The following IGSF9B variants were observed in gnomAD, a reference collection of about 807,000 sequenced individuals.
IGSF9B encodes protein turtle homolog B.
IGSF9B carries 48 observed loss-of-function variants against 143.7 expected under a neutral mutation model. That is an observed-to-expected ratio of 0.33 (90% CI 0.26 to 0.42). The LOEUF (loss-of-function observed/expected upper bound fraction) is 0.42. IGSF9B is among the 20% of genes least tolerant of loss of function. IGSF9B has a pLI of 1.00. For synonymous variants in IGSF9B, 903 were observed against 833.1 expected (o/e 1.08, Z -1.44); for missense variants, 1,706 against 1,980.0 (o/e 0.86, Z 2.63).
chr11:133,949,918 C>T (rs940999305), intron 1 of IGSF9B, among the ~76,000 whole-genome samples: 2 of 152,200 alleles, frequency 1.3e-5, no homozygotes, highest in Non-Finnish European at 2.9e-5. Flanking sequence ...CCAGAAATAG[C>T]GGTGCCCAGA....
Position 133,909,043 on chromosome 11 carries a change from C to T in IGSF9B, c.*26G>A. On this transcript the variant is annotated 3_prime_UTR_variant, in exon 20 of 20. Coordinates refer to ENST00000533871, the MANE Select transcript of IGSF9B (RefSeq NM_001277285.4). This position sits in a 1 kb window ranked among gnomAD's most constrained non-coding sequence, Gnocchi z 4.2. Reference sequence around the variant, plus strand: ...CCTGCCTGAGCCCAGCAACCTCGCCCCGGGGACACCTAGAGTGGGGTGGAG... The same window carrying T: ...CCTGCCTGAGCCCAGCAACCTCGCCTCGGGGACACCTAGAGTGGGGTGGAG... 1 of 1,528,942 alleles carries T rather than the reference C, an allele frequency of 6.5e-7. No homozygotes were observed. The highest frequency in any genetic ancestry group is 1.4e-5 in the African/African-American group (1 of 73,030). 94.7% of individuals were successfully genotyped at this position (1,528,942 alleles called of 1,614,324 possible). A position where few individuals can be genotyped will look rare whatever the true frequency, so the allele number is the denominator to read the frequency against.
Position 133,902,991 on chromosome 11 carries a change from T to C in IGSF9B, c.*6078A>G, listed in dbSNP as rs1022879721. Among the ~76,000 whole-genome samples the C allele has an allele frequency of 6.6e-6, 1 of 151,832 alleles. No homozygotes were observed. Among genetic ancestry groups the C allele is most frequent in the Admixed American group, 6.6e-5 (1 of 15,248 alleles). On this transcript the variant is annotated 3_prime_UTR_variant, in exon 20 of 20. Transcript: ENST00000533871. ...CCCGCAGCATTTCTAAGGCCGAAAA[T>C]GCAAGTCACCTCCCCAGCCCAACCC...
Position 133,919,841 on chromosome 11 carries a change from C to A in IGSF9B, c.3884G>T (p.Gly1295Val). The change falls in exon 18 of 20, where the codon GGG becomes GTG. Residue 1295 changes from glycine (G) to valine (V), a missense_variant. Coordinates refer to ENST00000533871, the MANE Select transcript of IGSF9B (RefSeq NM_001277285.4). ...CTGTCCAAACACGTCCAAGCTGTCC[C>A]CAGGCCCAGCAGGGGCGGGGCCGGG... ...PPPGPAPAGP[G>V]DSLDVFGQTP... The A allele has an allele frequency of 6.3e-7, 1 of 1,581,216 alleles. No individual in the cohort carries two copies. Among genetic ancestry groups the A allele is most frequent in the South Asian group, 1.1e-5 (1 of 87,028 alleles).
chr11:133,954,116 C>A (rs1940210267), intron 1 of IGSF9B, among the ~76,000 whole-genome samples: 1 of 152,200 alleles, frequency 6.6e-6, no homozygotes, highest in Non-Finnish European at 1.5e-5. Context: ...CTCTGCCAGT[C>A]AGGGAACAGC....
rs1030059956 is a variant in IGSF9B at position 133,945,139 on chromosome 11, G to A, written c.263-773C>T. Among the ~76,000 whole-genome samples, 16 of 152,112 alleles carry A rather than the reference G, an allele frequency of 1.1e-4. No homozygotes were observed. Among genetic ancestry groups the A allele is most frequent in the Non-Finnish European group, 1.6e-4 (11 of 68,008 alleles). The stretch of plus-strand genomic sequence containing the variant: ...GAGGTGCAGAAGCCTCTTCCATGAC[G>A]CCAGCAGGGTGGAGCAGCCCTCGAG... On this transcript the variant is annotated intron_variant, in intron 2 of 19. Coordinates refer to ENST00000533871, the MANE Select transcript of IGSF9B (RefSeq NM_001277285.4). This position sits in a 1 kb window ranked among gnomAD's most constrained non-coding sequence, Gnocchi z 4.6.
chr11:133,952,077 A>C (rs1351961328), intron 1 of IGSF9B: 1 of 455,496 alleles, frequency 2.2e-6, no homozygotes, highest in African/African-American at 2.0e-5. Context: ...AGGCCGGCTG[A>C]GACTCCTCCC....
Position 133,898,436 on chromosome 11 carries a change from CA to C in IGSF9B, c.*10632del, listed in dbSNP as rs1265959474. On this transcript the variant is annotated 3_prime_UTR_variant, in exon 20 of 20. Coordinates refer to ENST00000533871, the MANE Select transcript of IGSF9B (RefSeq NM_001277285.4). ...AAGAAGCTCATCTAAAACTTGCCCC[CA>C]GGTGTGCGATGGGAGAATTCTATCC... 1.9e-5 allele frequency: 3 copies of C among 154,052 alleles called. No homozygotes were observed. The highest frequency in any genetic ancestry group is 7.2e-5 in the African/African-American group (3 of 41,504). 9.5% of individuals were successfully genotyped at this position (154,052 alleles called of 1,614,324 possible). A position where few individuals can be genotyped will look rare whatever the true frequency, so the allele number is the denominator to read the frequency against.
rs1939489229 is a variant in IGSF9B, at chr11:133,920,088, T to C, written c.3637A>G (p.Thr1213Ala). Residue 1213 changes from threonine (T) to alanine (A), a missense_variant, in exon 18 of 20, where the codon ACC becomes GCC. This residue lies in a region of IGSF9B where 880 missense variants were observed against 762.9 expected (regional missense o/e 1.15). Transcript: ENST00000533871. Reference sequence around the variant, plus strand: ...CGGGCGGCGAGCTCAGGGGAGCCGGTGCGGGAGCTGAGGGGGCTTTGGGTC... The same window carrying C: ...CGGGCGGCGAGCTCAGGGGAGCCGGCGCGGGAGCTGAGGGGGCTTTGGGTC... The part of the protein sequence containing the change: ...PLTQSPLSSR[T>A]GSPELAARAR... 2 of 1,523,250 alleles carry C rather than the reference T, an allele frequency of 1.3e-6. No homozygotes were observed. Among genetic ancestry groups the C allele is most frequent in the Non-Finnish European group, 1.8e-6 (2 of 1,136,262 alleles). 94.4% of individuals were successfully genotyped at this position (1,523,250 alleles called of 1,614,324 possible).
Position 133,925,846 on chromosome 11 carries a change from G to A in IGSF9B, c.1927C>T (p.Pro643Ser). ...AACTCCATGATGTAGCGGTCGATGG[G>A]AAAGCTGTGGTTGGCAGGCGGAAGC... ...SWLPPANHSF[P>S]IDRYIMEFRV... is the part of the protein sequence containing the mutation. The change falls in exon 14 of 20, where the codon CCC becomes TCC. Residue 643 changes from proline to serine, a missense_variant. This residue lies in a region of IGSF9B where 267 missense variants were observed against 321.1 expected (regional missense o/e 0.83). Transcript: ENST00000533871. 6.2e-6 allele frequency: 10 copies of A among 1,613,840 alleles called. No individual in the cohort carries two copies. Among genetic ancestry groups the A allele is most frequent in the African/African-American group, 1.3e-5 (1 of 75,066 alleles).
At position 133,916,675 on chromosome 11, in the gene IGSF9B, A is replaced by C. The variant is rs899867529; in HGVS notation, c.3983+3067T>G. Among the ~76,000 whole-genome samples the C allele has an allele frequency of 1.3e-5, 2 of 152,224 alleles. 1 individual carries two copies. The highest frequency in any genetic ancestry group is 1.3e-4 in the Admixed American group (2 of 15,290). On this transcript the variant is annotated intron_variant, in intron 18 of 19. Coordinates refer to ENST00000533871, the MANE Select transcript of IGSF9B (RefSeq NM_001277285.4). ...AGCGGGCTTCTCTTGGATCTGGCAC[A>C]GTGGGGACACTGGGAAAGGAGAGGG... is the stretch of plus-strand genomic sequence containing the variant.
At chr11:133,933,356 T>C (rs1939768382) in intron 7 of IGSF9B, among the ~76,000 whole-genome samples, 2 of 152,216 alleles carry the variant, frequency 1.3e-5, no homozygotes, top group Admixed American at 6.5e-5. Flanking sequence ...AAGAACACTA[T>C]CATAGGCTTA....
Position 133,956,731 on chromosome 11 carries a change from GA to G in IGSF9B, c.23del (p.Phe8SerfsTer2). Reference protein sequence around the residue: MIWYVATFIASVIGTRGL... With the variant: MIWYVATXIASVIGTRGL... ...CTCGGGTGCCGATCACACTTGCTAT[GA>G]AAGTGGCCACATACCAAATCATAGT... On this transcript the variant is annotated frameshift_variant, in exon 1 of 20. Transcript: ENST00000533871. LOFTEE classifies it high-confidence loss of function. The G allele has an allele frequency of 6.5e-7, 1 of 1,544,292 alleles. No individual in the cohort carries two copies. The highest frequency in any genetic ancestry group is 1.2e-5 in the South Asian group (1 of 83,034).
At position 133,955,141 on chromosome 11, in the gene IGSF9B, G is replaced by A. The variant is rs1193024745; in HGVS notation, c.64+1550C>T. Among the ~76,000 whole-genome samples the A allele has an allele frequency of 2.0e-5, 3 of 152,268 alleles. No homozygotes were observed. The South Asian group carries it at 6.2e-4, about 32-fold the overall frequency. The stretch of plus-strand genomic sequence containing the variant: ...CAGGAACATACCAAAAACGGGAGGG[G>A]AGGAGGATGCGGGCATTGGAAGACG... On this transcript the variant is annotated intron_variant, in intron 1 of 19. Coordinates refer to ENST00000533871, the MANE Select transcript of IGSF9B (RefSeq NM_001277285.4).
In IGSF9B at chr11:133,908,823, C is replaced by G. The variant is rs895036813; in HGVS notation, c.*246G>C. The G allele has an allele frequency of 4.2e-6, 2 of 471,828 alleles. No individual in the cohort carries two copies. Among genetic ancestry groups the G allele is most frequent in the Non-Finnish European group, 7.6e-6 (2 of 264,626 alleles). 29.2% of individuals were successfully genotyped at this position (471,828 alleles called of 1,614,324 possible). A position where few individuals can be genotyped will look rare whatever the true frequency, so the allele number is the denominator to read the frequency against. ...GAAGCAGGGGGCGGAGGGGAGGAGA[C>G]AGGTGTTGCCCAGTCTCCAATCCAC... On this transcript the variant is annotated 3_prime_UTR_variant, in exon 20 of 20. Transcript: ENST00000533871.
chr11:133,947,788 C>A (rs1940083153), intron 1 of IGSF9B, among the ~76,000 whole-genome samples: 1 of 150,228 alleles, frequency 6.7e-6, no homozygotes, highest in African/African-American at 2.4e-5. Flanking sequence ...CTCTGTGTGT[C>A]TGTCTGTCTG....
At chr11:133,935,328 G>A (rs541594082) in intron 7 of IGSF9B, among the ~76,000 whole-genome samples, 8 of 152,374 alleles carry the variant, frequency 5.3e-5, no homozygotes, top group East Asian at 1.9e-4. Flanking sequence ...GAGGACCACC[G>A]TTCAGAAGGA....
At chr11:133,919,488 G>A (rs1417543967) in intron 18 of IGSF9B, among the ~76,000 whole-genome samples, 1 of 152,076 alleles carries the variant, frequency 6.6e-6, no homozygotes, top group Non-Finnish European at 1.5e-5. Flanking sequence ...TGGTGCGCCC[G>A]CCGAGAGCTC....
In IGSF9B at chr11:133,930,974, G is replaced by T; in HGVS notation, c.1519+10C>A. On this transcript the variant is annotated intron_variant, in intron 11 of 19. Transcript: ENST00000533871. ...CCCCGCCGCCCGGCCCAGCCTTGCC[G>T]GCCACGTACCGATGACGGTGAGGTG... 6.2e-7 allele frequency: 1 copy of T among 1,604,342 alleles called. No homozygotes were observed. Among genetic ancestry groups the T allele is most frequent in the Non-Finnish European group, 8.5e-7 (1 of 1,174,754 alleles).
Position 133,921,356 on chromosome 11 carries a change from A to C in IGSF9B, c.2369T>G (p.Leu790Arg). Residue 790 changes from leucine (L) to arginine (R), a missense_variant, in exon 18 of 20, where the codon CTC becomes CGC. Coordinates refer to ENST00000533871, the MANE Select transcript of IGSF9B (RefSeq NM_001277285.4). ...GTCGGAGGATTCTGACGGCGCTCGG[A>C]GCGTGCGGATGCTCTCGGGGCTCAC... ...GKVSPESIRT[L>R]RAPSESSDDQ... 6.4e-7 allele frequency: 1 copy of C among 1,572,764 alleles called. No homozygotes were observed. The highest frequency in any genetic ancestry group is 1.2e-5 in the South Asian group (1 of 85,410).
Sources: gnomAD v4.1 joint callset for allele counts (sites outside exome capture counted in the v4.1 genomes callset) on GRCh38, gnomAD v4.1.1 for gene constraint, gnomAD v4.1.1 regional missense constraint, Gnocchi (gnomAD v3.1) non-coding constraint, MANE v1.5 for transcripts, NCBI Gene and HGNC (gene_info 2026-07-23, HGNC 2026-07-21) for gene names.